Variants in AK5 observed in about 807,000 individuals in gnomAD.
AK5 encodes the protein adenylate kinase isoenzyme 5.
AK5 carries 27 observed loss-of-function variants against 69.5 expected under a neutral mutation model. That is an observed-to-expected ratio of 0.39 (90% CI 0.29 to 0.54). The LOEUF (loss-of-function observed/expected upper bound fraction) is 0.54, where lower values mean the gene tolerates loss of function less well. Among genes scored for constraint, AK5 ranks in the 20% least tolerant of loss-of-function variants. The probability of loss-of-function intolerance (pLI) is 0.71; values close to 1 mark genes in which losing one functional copy is unlikely to be tolerated. For missense variants in AK5, 531 were observed against 700.4 expected, an observed-to-expected ratio of 0.76 and a Z score of 2.73; for synonymous variants, 260 against 244.4, an observed-to-expected ratio of 1.06 and a Z score of -0.60.
intron 9 of AK5, 76 bp downstream of exon 9, chr1:77,483,435 C>T (rs1304328563): frequency 6.8e-6 from 8 of 1,168,416 alleles, no homozygotes; most frequent in Non-Finnish European, 1.0e-5. Context: ...TAAACATCAA[C>T]TTGAGAGAAA....
intron 8 of AK5, among the ~76,000 whole-genome samples, chr1:77,475,369 A>G (rs11577058): frequency 0.52 from 57,272 of 110,586 alleles, 16,001 homozygotes; most frequent in Middle Eastern, 0.66. Context: ...ATATATATAC[A>G]AATATATATT....
intron 8 of AK5, among the ~76,000 whole-genome samples, chr1:77,464,128 C>T (rs963515978): frequency 1.3e-5 from 2 of 152,166 alleles, no homozygotes; most frequent in African/African-American, 4.8e-5. Context: ...TCCTTTGTCC[C>T]ACAGCCATGA....
At chr1:77,316,081 A>G (rs1178614800) in intron 5 of AK5, among the ~76,000 whole-genome samples, 1 of 152,180 alleles carries the variant, frequency 6.6e-6, no homozygotes, top group Non-Finnish European at 1.5e-5. Context: ...AAGCATTTTT[A>G]CCACGATCAT....
intron 10 of AK5, among the ~76,000 whole-genome samples, chr1:77,489,892 T>G (rs6680677): frequency 0.7 from 106,265 of 151,988 alleles, 38,515 homozygotes; most frequent in South Asian, 0.83. Context: ...CGCTTGAGCT[T>G]GTCGCACTTT....
chr1:77,528,509 C>T (rs1031996509), intron 12 of AK5, among the ~76,000 whole-genome samples: 2 of 152,178 alleles, frequency 1.3e-5, no homozygotes, highest in African/African-American at 4.8e-5. Flanking sequence ...TTGGACACTG[C>T]ATATGACATC....
chr1:77,527,296 C>T (rs1658342470), intron 12 of AK5, among the ~76,000 whole-genome samples: 2 of 152,162 alleles, frequency 1.3e-5, no homozygotes, highest in Non-Finnish European at 2.9e-5. Flanking sequence ...GCTTAAAACC[C>T]AGTTAGGGTG....
chr1:77,501,390 C>T (rs555839982), intron 10 of AK5, among the ~76,000 whole-genome samples: 15 of 152,158 alleles, frequency 9.9e-5, no homozygotes, highest in African/African-American at 2.9e-4. Context: ...AGGAATGCCT[C>T]ATCAGGCAAT....
intron 8 of AK5, among the ~76,000 whole-genome samples, chr1:77,446,249 C>T (rs1332140555): frequency 6.6e-6 from 1 of 152,062 alleles, no homozygotes; most frequent in Admixed American, 6.6e-5. Flanking sequence ...TATATGTTTG[C>T]AATTATTTCT....
chr1:77,350,764 G>A (rs889663846), intron 6 of AK5, among the ~76,000 whole-genome samples: 21 of 152,144 alleles, frequency 1.4e-4, no homozygotes, highest in African/African-American at 4.3e-4. Flanking sequence ...TTTACCCTTT[G>A]GATAGTGTTC....
chr1:77,330,287 G>A (rs191833297), intron 5 of AK5, among the ~76,000 whole-genome samples: 15 of 152,138 alleles, frequency 9.9e-5, no homozygotes, highest in Non-Finnish European at 1.3e-4. Context: ...AGTTTTCTAG[G>A]TTCTGTTTGA....
chr1:77,538,345 AAAC>A (rs142911414), intron 13 of AK5, among the ~76,000 whole-genome samples: 3 of 151,042 alleles, frequency 2.0e-5, no homozygotes, highest in African/African-American at 7.3e-5. Context: ...TCTCAAAAAA[AAAC>A]AACAACAACA....
intron 8 of AK5, among the ~76,000 whole-genome samples, chr1:77,453,699 G>C (rs1312876199): frequency 6.6e-6 from 1 of 152,234 alleles, no homozygotes; most frequent in African/African-American, 2.4e-5. Context: ...ATCTCTAGGT[G>C]AATGGGAAGT....
intron 10 of AK5, among the ~76,000 whole-genome samples, chr1:77,504,667 T>C (rs1368445583): frequency 6.6e-6 from 1 of 152,182 alleles, no homozygotes; most frequent in East Asian, 1.9e-4. Context: ...GCATGTGTCT[T>C]ACCAAGATGA....
intron 8 of AK5, among the ~76,000 whole-genome samples, chr1:77,431,553 G>A (rs72681639): frequency 6.6e-6 from 1 of 152,070 alleles, no homozygotes; most frequent in Non-Finnish European, 1.5e-5. Context: ...AAGGAAGTGG[G>A]TAGAGAACAA....
chr1:77,526,750 A>C (rs1658314604), intron 12 of AK5, among the ~76,000 whole-genome samples: 3 of 150,248 alleles, frequency 2.0e-5, no homozygotes, highest in South Asian at 2.1e-4. Context: ...CTGGGATTAC[A>C]GGCTTGAGCC....
chr1:77,291,473 A>G (rs574777626), intron 2 of AK5, among the ~76,000 whole-genome samples: 1 of 151,958 alleles, frequency 6.6e-6, no homozygotes, highest in Non-Finnish European at 1.5e-5. Flanking sequence ...ATTTCATTTC[A>G]TTGTTTCCTT....
intron 1 of AK5, chr1:77,282,797 A>G: frequency 1.0e-6 from 1 of 994,862 alleles, no homozygotes. Flanking sequence ...CTGCTGGTCG[A>G]GGGTCGGAAC....
At chr1:77,334,964 T>G (rs1270472103) in intron 5 of AK5, among the ~76,000 whole-genome samples, 1 of 152,236 alleles carries the variant, frequency 6.6e-6, no homozygotes, top group Non-Finnish European at 1.5e-5. Context: ...TTGTCTGTCT[T>G]TTTTCCTTTT....
rs71075732 is a variant in AK5, at chr1:77,367,579, A to ATATATGTT, written c.891+27011_891+27012insTATATGTT. Among the ~76,000 whole-genome samples, 138 of 53,384 alleles carry ATATATGTT rather than the reference A, an allele frequency of 2.6e-3. 13 individuals are homozygous for ATATATGTT. The highest frequency in any genetic ancestry group is 3.3e-3 in the African/African-American group (31 of 9,434). The allele number at this position is 53,384 out of a possible 152,430, so 35.0% of individuals were successfully genotyped here. ...TTTTTATATATATATATATATATAT[A>ATATATGTT]ATATATATGTTATATATGTAATATA... On this transcript the variant is annotated intron_variant, in intron 6 of 13. Coordinates refer to ENST00000354567, the MANE Select transcript of AK5 (RefSeq NM_174858.3).
Sources: gnomAD v4.1 joint callset for allele counts (sites outside exome capture counted in the v4.1 genomes callset) on GRCh38, gnomAD v4.1.1 for gene constraint, MANE v1.5 for transcripts, NCBI Gene and HGNC (gene_info 2026-07-23, HGNC 2026-07-21) for gene names.